RALGPS2: variants seen among roughly 807,000 people sequenced by gnomAD.
The protein encoded by RALGPS2 is Ral GEF with PH domain and SH3 binding motif 2.
A neutral mutation model predicts 86.8 loss-of-function variants in RALGPS2; 43 were observed. That is an observed-to-expected ratio of 0.50 (90% CI 0.39 to 0.64). The LOEUF is 0.64. Ranked by LOEUF, RALGPS2 falls within the 30% of genes least tolerant of loss-of-function variation. RALGPS2 has a pLI of 0.00. For missense variants in RALGPS2, 536 were observed against 694.6 expected, an observed-to-expected ratio of 0.77 and a Z score of 2.57; for synonymous variants, 243 against 231.3, an observed-to-expected ratio of 1.05 and a Z score of -0.46.
chr1:178,834,836 A>G (rs2225728), intron 8 of RALGPS2, among the ~76,000 whole-genome samples: 71,398 of 152,130 alleles, frequency 0.47, 18,158 homozygotes, highest in African/African-American at 0.66. Flanking sequence ...GGAGCTCAGA[A>G]GTGCGATCGC....
chr1:178,763,511 C>G (rs564653316), intron 1 of RALGPS2, among the ~76,000 whole-genome samples: 12 of 152,298 alleles, frequency 7.9e-5, no homozygotes, highest in African/African-American at 2.9e-4. Flanking sequence ...TTTGTGTCCT[C>G]TCTGTTTCTT....
intron 1 of RALGPS2, among the ~76,000 whole-genome samples, chr1:178,775,910 A>G (rs1014827643): frequency 2.0e-5 from 3 of 151,428 alleles, no homozygotes; most frequent in African/African-American, 4.9e-5. Context: ...TGAGTTGAAA[A>G]TACTTGGGGC....
chr1:178,871,049 CTGCAGCTGACCCAGATTG>C (rs1429268106), intron 8 of RALGPS2: 3 of 152,176 alleles, frequency 2.0e-5, no homozygotes, highest in Admixed American at 2.0e-4. Context: ...CAGTAACCAG[CTGCAGCTGACCCAGATTG>C]TATATACAGT....
intron 8 of RALGPS2, among the ~76,000 whole-genome samples, chr1:178,856,303 C>T (rs946044919): frequency 5.5e-5 from 8 of 145,050 alleles, no homozygotes; most frequent in African/African-American, 1.8e-4. Context: ...TCATAGCTCA[C>T]CACAGCCTCG....
At chr1:178,895,653 G>A (rs1400617546) in intron 16 of RALGPS2, among the ~76,000 whole-genome samples, 1 of 152,038 alleles carries the variant, frequency 6.6e-6, no homozygotes, top group Non-Finnish European at 1.5e-5. Flanking sequence ...GATCAAGTAA[G>A]AGGCAAAAGC....
Position 178,821,678 on chromosome 1 carries a change from A to G in RALGPS2, c.454A>G (p.Ile152Val), listed in dbSNP as rs774324563. 9.3e-6 allele frequency: 15 copies of G among 1,613,038 alleles called. No individual in the cohort carries two copies. The highest frequency in any genetic ancestry group is 1.6e-4 in the Middle Eastern group (1 of 6,080). ...GGTTTCTGGCCTACAGAGTGCCCCA[A>G]TTTTCAGGTTGACTAAAACATGGGC... The part of the protein sequence containing the change: ...AVVSGLQSAP[I>V]FRLTKTWALL... The change falls in exon 7 of 20, where the codon ATT becomes GTT. Residue 152 changes from isoleucine (I) to valine (V), a missense_variant. Ile to Val is a conservative substitution (Grantham distance 29, BLOSUM62 3). This residue lies in a region of RALGPS2 where 184 missense variants were observed against 296.7 expected (regional missense o/e 0.62). Transcript: ENST00000367635.
At chr1:178,815,967 A>G (rs1001321821) in intron 6 of RALGPS2, among the ~76,000 whole-genome samples, 2 of 152,178 alleles carry the variant, frequency 1.3e-5, no homozygotes, top group Admixed American at 6.5e-5. Flanking sequence ...ATATTCCACA[A>G]TTTCTTCATC....
At chr1:178,888,629 C>T (rs932519703) in intron 13 of RALGPS2, among the ~76,000 whole-genome samples, 6 of 152,146 alleles carry the variant, frequency 3.9e-5, no homozygotes, top group African/African-American at 9.6e-5. Context: ...CAAGACCCCA[C>T]CACCACCACG....
At chr1:178,862,000 A>G (rs941427623) in intron 8 of RALGPS2, among the ~76,000 whole-genome samples, 1 of 151,862 alleles carries the variant, frequency 6.6e-6, no homozygotes, top group African/African-American at 2.4e-5. Flanking sequence ...AGCCTCCTGA[A>G]TAGCTAGGAT....
At chr1:178,891,555 G>A (rs1182884779) in intron 14 of RALGPS2, among the ~76,000 whole-genome samples, 1 of 151,760 alleles carries the variant, frequency 6.6e-6, no homozygotes, top group East Asian at 1.9e-4. Flanking sequence ...CAGTGCTTTC[G>A]GGTTTTCCTA....
At chr1:178,807,062 A>G (rs186529089) in intron 4 of RALGPS2, among the ~76,000 whole-genome samples, 20 of 152,270 alleles carry the variant, frequency 1.3e-4, no homozygotes, top group South Asian at 2.1e-4. Context: ...TCTGGGTGTG[A>G]TAATTCATGC....
intron 1 of RALGPS2, among the ~76,000 whole-genome samples, chr1:178,774,002 A>T (rs2102097154): frequency 6.6e-6 from 1 of 152,344 alleles, no homozygotes; most frequent in East Asian, 1.9e-4. Context: ...GCACTTTGGG[A>T]GGCCAAGGCC....
chr1:178,746,232 C>T (rs1439924973), intron 1 of RALGPS2, among the ~76,000 whole-genome samples: 1 of 152,142 alleles, frequency 6.6e-6, no homozygotes, highest in East Asian at 1.9e-4. Flanking sequence ...CTAATGAACT[C>T]TCAACACCAA....
chr1:178,851,755 T>G (rs1354730040), intron 8 of RALGPS2, among the ~76,000 whole-genome samples: 1 of 152,092 alleles, frequency 6.6e-6, no homozygotes, highest in Admixed American at 6.5e-5. Flanking sequence ...ATAAGACATA[T>G]GTTATGGTCT....
chr1:178,784,354 C>CTAT, intron 2 of RALGPS2, 64 bp from the exon 3 acceptor site: 2 of 1,309,980 alleles, frequency 1.5e-6, no homozygotes, highest in Non-Finnish European at 2.1e-6. Context: ...TAAGGCCAAT[C>CTAT]TAGTTTCTAT....
At position 178,757,370 on chromosome 1, in the gene RALGPS2, C is replaced by T. The variant is rs146829806; in HGVS notation, c.-83-19312C>T. On this transcript the variant is annotated intron_variant, in intron 1 of 19. Transcript: ENST00000367635. Reference sequence around the variant, plus strand: ...GAGAGTGGGCATCCTTGTCTTGTTCCAGCTCTCAAGGGGAATACTCTTAGC... The same window carrying T: ...GAGAGTGGGCATCCTTGTCTTGTTCTAGCTCTCAAGGGGAATACTCTTAGC... 5.8e-3 allele frequency among the ~76,000 whole-genome samples: 879 copies of T among 152,198 alleles called. 6 individuals carry two copies. The highest frequency in any genetic ancestry group is 9.5e-3 in the Non-Finnish European group (645 of 68,028).
intron 8 of RALGPS2, among the ~76,000 whole-genome samples, chr1:178,848,729 T>C (rs1292672159): frequency 6.6e-6 from 1 of 152,096 alleles, no homozygotes; most frequent in Admixed American, 6.6e-5. Flanking sequence ...CTCGGCCCAC[T>C]GCAAGCAATT....
At chr1:178,825,348 T>A (rs1333362710) in intron 7 of RALGPS2, among the ~76,000 whole-genome samples, 1 of 152,050 alleles carries the variant, frequency 6.6e-6, no homozygotes, top group African/African-American at 2.4e-5. Context: ...AGGAGGAAGA[T>A]GATGAACAGT....
chr1:178,765,467 A>G (rs1652456673), intron 1 of RALGPS2, among the ~76,000 whole-genome samples: 1 of 152,216 alleles, frequency 6.6e-6, no homozygotes. Flanking sequence ...CAGAGATCAC[A>G]TGCTTCACAA....
Sources: gnomAD v4.1 joint callset for allele counts (sites outside exome capture counted in the v4.1 genomes callset) on GRCh38, gnomAD v4.1.1 for gene constraint, gnomAD v4.1.1 regional missense constraint, MANE v1.5 for transcripts, NCBI Gene and HGNC (gene_info 2026-07-23, HGNC 2026-07-21) for gene names.